The following CAMTA1 variants were observed in gnomAD, a reference collection of about 807,000 sequenced individuals.
The protein encoded by CAMTA1 is calmodulin-binding transcription activator 1.
A neutral mutation model predicts 170.9 loss-of-function variants in CAMTA1; 27 were observed. The observed-to-expected ratio is 0.16, with a 90% confidence interval of 0.12 to 0.22. The LOEUF is 0.22. Ranked by LOEUF, CAMTA1 falls within the 10% of genes least tolerant of loss-of-function variation. CAMTA1 has a pLI of 1.00. For missense variants in CAMTA1, 1,619 were observed against 2,217.2 expected (o/e 0.73, Z 5.42); for synonymous variants, 833 against 891.5 (o/e 0.93, Z 1.17).
At chr1:7,498,142 A>T (rs372859321) in intron 6 of CAMTA1, among the ~76,000 whole-genome samples, 1 of 151,980 alleles carries the variant, frequency 6.6e-6, no homozygotes, top group South Asian at 2.1e-4. Context: ...TATGAGCAAC[A>T]GGATACTGGA....
intron 4 of CAMTA1, among the ~76,000 whole-genome samples, chr1:7,223,157 A>T (rs1007289232): frequency 1.4e-5 from 1 of 70,718 alleles, no homozygotes; most frequent in Non-Finnish European, 3.0e-5. Context: ...CCACCCACCC[A>T]CCCACCCACC....
rs191012206 is a variant in CAMTA1 at position 7,592,510 on chromosome 1, G to A, written c.511-47890G>A. ...ATGAGACATAGGTAGGGTCCTATTGGAATGGGCCAGCACCCTCTGGGGGTC... is the reference window on the plus strand; with the variant it reads ...ATGAGACATAGGTAGGGTCCTATTGAAATGGGCCAGCACCCTCTGGGGGTC... On this transcript the variant is annotated intron_variant, in intron 6 of 22. Coordinates refer to ENST00000303635, the MANE Select transcript of CAMTA1 (RefSeq NM_015215.4). This position sits in a 1 kb window ranked among gnomAD's most constrained non-coding sequence, Gnocchi z 4.6. Among the ~76,000 whole-genome samples the A allele has an allele frequency of 2.4e-4, 37 of 152,300 alleles. No individual in the cohort carries two copies. Among genetic ancestry groups the A allele is most frequent in the Middle Eastern group, 3.4e-3 (1 of 294 alleles).
chr1:7,201,606 T>C (rs568071709), intron 4 of CAMTA1, among the ~76,000 whole-genome samples: 1 of 152,316 alleles, frequency 6.6e-6, no homozygotes, highest in East Asian at 1.9e-4. Flanking sequence ...CTCTTTATGG[T>C]TTTGATGTGA....
chr1:7,482,208 A>G lies in CAMTA1; in HGVS notation c.510+14307A>G, dbSNP rs953885606. On this transcript the variant is annotated intron_variant, in intron 6 of 22. Coordinates refer to ENST00000303635, the MANE Select transcript of CAMTA1 (RefSeq NM_015215.4). The surrounding 1 kb of genome is among the most constrained non-coding windows in gnomAD (Gnocchi z 4.2). ...CCAAGCCCAGCCCCATCCTTCAAGC[A>G]TAAGCTCCACAGGGTCAGGGGCATG... Among the ~76,000 whole-genome samples the G allele has an allele frequency of 1.3e-5, 2 of 152,188 alleles. No homozygotes were observed. The highest frequency in any genetic ancestry group is 4.8e-5 in the African/African-American group (2 of 41,448).
chr1:7,589,791 A>T (rs1322525194), intron 6 of CAMTA1, among the ~76,000 whole-genome samples: 1 of 152,116 alleles, frequency 6.6e-6, no homozygotes, highest in Non-Finnish European at 1.5e-5. Context: ...CTCAGATGCA[A>T]ATCATCCTCC....
intron 5 of CAMTA1, among the ~76,000 whole-genome samples, chr1:7,402,366 G>A (rs1238413998): frequency 6.6e-6 from 1 of 152,094 alleles, no homozygotes; most frequent in African/African-American, 2.4e-5. Context: ...CCATCTGAGA[G>A]ATCCAGCTTG....
At chr1:7,465,390 T>C (rs544703440) in intron 5 of CAMTA1, among the ~76,000 whole-genome samples, 4 of 152,230 alleles carry the variant, frequency 2.6e-5, no homozygotes, top group Admixed American at 2.0e-4. Flanking sequence ...TCTTTCCTCC[T>C]CTGGTACTGT....
intron 3 of CAMTA1, among the ~76,000 whole-genome samples, chr1:7,038,785 A>G (rs1416934931): frequency 6.6e-6 from 1 of 152,224 alleles, no homozygotes; most frequent in African/African-American, 2.4e-5. Flanking sequence ...CACGCCTGTA[A>G]TCCCAGCACT....
At chr1:7,188,786 T>G (rs1342241920) in intron 4 of CAMTA1, among the ~76,000 whole-genome samples, 3 of 152,208 alleles carry the variant, frequency 2.0e-5, no homozygotes, top group African/African-American at 7.2e-5. Flanking sequence ...TACACATGTT[T>G]GTTCAGTTCT....
intron 6 of CAMTA1, among the ~76,000 whole-genome samples, chr1:7,496,165 C>T (rs1231901430): frequency 6.6e-6 from 1 of 152,226 alleles, no homozygotes; most frequent in Non-Finnish European, 1.5e-5. Context: ...TGCCTGAGGT[C>T]AGCCTCACAC....
chr1:7,145,675 C>G (rs1272645664), intron 4 of CAMTA1, among the ~76,000 whole-genome samples: 1 of 152,156 alleles, frequency 6.6e-6, no homozygotes, highest in Non-Finnish European at 1.5e-5. Context: ...GAGCTGGACT[C>G]CAGTCTGATT....
Position 7,177,947 on chromosome 1 carries a change from C to T in CAMTA1, c.303-71544C>T, listed in dbSNP as rs536875784. ...CGACACAGAGGCTCCTCTCCACACA[C>T]GGAGGCTCCTCCCACACACTGAACC... On this transcript the variant is annotated intron_variant, in intron 4 of 22. Transcript: ENST00000303635. Among the ~76,000 whole-genome samples the T allele has an allele frequency of 7.9e-5, 12 of 151,684 alleles. 1 individual carries two copies. Among genetic ancestry groups the T allele is most frequent in the Admixed American group, 5.9e-4 (9 of 15,248 alleles).
chr1:7,633,798 AT>A lies in CAMTA1; in HGVS notation c.511-6600del, dbSNP rs1354369193. On this transcript the variant is annotated intron_variant, in intron 6 of 22. Coordinates refer to ENST00000303635, the MANE Select transcript of CAMTA1 (RefSeq NM_015215.4). The surrounding 1 kb of genome is among the most constrained non-coding windows in gnomAD (Gnocchi z 4.1). Reference sequence around the variant, plus strand: ...GAAAACAGGCCAAACCCGAGTAGTAATTGAGCGGAAACTGAGAGATTAGTGC... The same window carrying A: ...GAAAACAGGCCAAACCCGAGTAGTAATGAGCGGAAACTGAGAGATTAGTGC... 6.6e-6 allele frequency among the ~76,000 whole-genome samples: 1 copy of A among 152,264 alleles called. No individual in the cohort carries two copies. Among genetic ancestry groups the A allele is most frequent in the Non-Finnish European group, 1.5e-5 (1 of 68,042 alleles).
intron 4 of CAMTA1, among the ~76,000 whole-genome samples, chr1:7,238,212 A>G (rs966580080): frequency 6.7e-6 from 1 of 148,676 alleles, no homozygotes; most frequent in Admixed American, 6.7e-5. Flanking sequence ...GGATGGTTTT[A>G]TAGGATTCAA....
rs74653624 is a variant in CAMTA1 at position 7,144,528 on chromosome 1, G to C, written c.302+53157G>C. ...ATCAGGACCGATATATATAACACTA[G>C]GCAGGATTAGAAGATTTGCCTTGTC... On this transcript the variant is annotated intron_variant, in intron 4 of 22. Transcript: ENST00000303635. This position sits in a 1 kb window ranked among gnomAD's most constrained non-coding sequence, Gnocchi z 4.0. Among the ~76,000 whole-genome samples, 2 of 152,204 alleles carry C rather than the reference G, an allele frequency of 1.3e-5. No homozygotes were observed. The highest frequency in any genetic ancestry group is 3.9e-4 in the East Asian group (2 of 5,176).
chr1:6,980,400 G>A (rs1408356676), intron 3 of CAMTA1, among the ~76,000 whole-genome samples: 1 of 152,210 alleles, frequency 6.6e-6, no homozygotes, highest in African/African-American at 2.4e-5. Context: ...CTGCATTGAA[G>A]TAGCACCGGG....
intron 3 of CAMTA1, among the ~76,000 whole-genome samples, chr1:6,910,589 G>A (rs892703550): frequency 1.3e-5 from 2 of 152,240 alleles, no homozygotes; most frequent in Non-Finnish European, 2.9e-5. Flanking sequence ...TGAGCTGTTG[G>A]AAAGCGGGTC....
rs1037503603 is a variant in CAMTA1, at chr1:7,296,906, A to G, written c.438+47280A>G. On this transcript the variant is annotated intron_variant, in intron 5 of 22. Coordinates refer to ENST00000303635, the MANE Select transcript of CAMTA1 (RefSeq NM_015215.4). ...GCTGCCTGGACAAAAAGGGAGAGCCAGCAAAGGAAATGGAGACACAGGGGG... is the reference window on the plus strand; with the variant it reads ...GCTGCCTGGACAAAAAGGGAGAGCCGGCAAAGGAAATGGAGACACAGGGGG... 3.9e-5 allele frequency among the ~76,000 whole-genome samples: 6 copies of G among 152,166 alleles called. No individual in the cohort carries two copies. In the East Asian group the frequency reaches 5.8e-4, roughly 15 times the overall value.
At chr1:7,389,387 C>T (rs749650693) in intron 5 of CAMTA1, 5 of 152,520 alleles carry the variant, frequency 3.3e-5, no homozygotes, top group Non-Finnish European at 4.4e-5. Flanking sequence ...ATGTCACACA[C>T]GTCAGCGTGT....
Sources: allele counts gnomAD v4.1 joint callset (sites outside exome capture counted in the v4.1 genomes callset), GRCh38; gene constraint gnomAD v4.1.1; non-coding constraint Gnocchi (gnomAD v3.1); transcripts MANE v1.5; gene names NCBI Gene and HGNC (gene_info 2026-07-23, HGNC 2026-07-21).